Variants in USP34 observed in about 807,000 individuals in gnomAD.
The protein encoded by USP34 is ubiquitin carboxyl-terminal hydrolase 34.
Under a neutral mutation model 460.3 loss-of-function variants are expected in USP34, and 70 were observed. The ratio of observed to expected loss-of-function variants is 0.15; its 90% CI spans 0.13 to 0.19. USP34 has a LOEUF of 0.19. USP34 is among the 10% of genes least tolerant of loss of function. The pLI is 1.00. For synonymous variants in USP34, 1,647 were observed against 1,405.3 expected (o/e 1.17, Z -3.85); for missense variants, 3,985 against 4,236.2 (o/e 0.94, Z 1.65).
At chr2:61,273,964 T>C (rs554944951) in intron 41 of USP34, among the ~76,000 whole-genome samples, 1 of 151,724 alleles carries the variant, frequency 6.6e-6, no homozygotes, top group Non-Finnish European at 1.5e-5. Flanking sequence ...AATTTCCTGA[T>C]AGAAAAACTT....
intron 69 of USP34, 127 bp downstream of exon 69, chr2:61,211,645 C>T (rs1687275632): frequency 2.8e-6 from 3 of 1,055,914 alleles, no homozygotes; most frequent in Non-Finnish European, 3.9e-6. Context: ...CATGAACCTT[C>T]AAAATGTTCC....
chr2:61,287,417 C>G (rs75791668), intron 34 of USP34, among the ~76,000 whole-genome samples: 60 of 152,298 alleles, frequency 3.9e-4, no homozygotes, highest in African/African-American at 1.4e-3. Context: ...CAAAAAGATT[C>G]TATTTTTATT....
chr2:61,442,784 T>G (rs1285219064), intron 1 of USP34, among the ~76,000 whole-genome samples: 2 of 152,096 alleles, frequency 1.3e-5, no homozygotes, highest in African/African-American at 4.8e-5. Context: ...AGGAAAACAC[T>G]GTATCAGAGA....
At position 61,295,085 on chromosome 2, in the gene USP34, T is replaced by C. The variant is rs186542700; in HGVS notation, c.4378-53A>G. 8.5e-5 allele frequency: 136 copies of C among 1,602,038 alleles called. No homozygotes were observed. In the African/African-American group the frequency reaches 1.6e-3, roughly 19 times the overall value. ...AGAATGGCGGAAGAAAGAATTATTA[T>C]AGAATGGAAAAGACAATACATTATA... On this transcript the variant is annotated intron_variant, in intron 31 of 79. Transcript: ENST00000398571.
intron 1 of USP34, among the ~76,000 whole-genome samples, chr2:61,460,043 C>A (rs1386865017): frequency 1.3e-5 from 2 of 152,178 alleles, no homozygotes; most frequent in Non-Finnish European, 2.9e-5. Flanking sequence ...GCCTGAGCGA[C>A]AGAGCAAGAC....
chr2:61,199,703 C>G, intron 75 of USP34, among the ~76,000 whole-genome samples: 1 of 152,236 alleles, frequency 6.6e-6, no homozygotes, highest in East Asian at 1.9e-4. Context: ...TCTTTATCAT[C>G]TACCAAGTCC....
chr2:61,280,154 C>T lies in USP34; in HGVS notation c.5256+90G>A, dbSNP rs556989146. 2.2e-5 allele frequency: 16 copies of T among 731,652 alleles called. No homozygotes were observed. The African/African-American group carries it at 2.6e-4, about 12-fold the overall frequency. The allele number at this position is 731,652 out of a possible 1,614,324, so 45.3% of individuals were successfully genotyped here. A position where few individuals can be genotyped will look rare whatever the true frequency, so the allele number is the denominator to read the frequency against. On this transcript the variant is annotated intron_variant, in intron 39 of 79. Coordinates refer to ENST00000398571, the MANE Select transcript of USP34 (RefSeq NM_014709.4). The stretch of plus-strand genomic sequence containing the variant: ...CCAAGTTATAGATTAATGAAGTACA[C>T]TTAATAACCAATAAAGTCATGAACA...
intron 20 of USP34, 138 bp from the exon 21 acceptor site, chr2:61,325,595 C>T (rs957291286): frequency 2.1e-6 from 1 of 471,184 alleles, no homozygotes; most frequent in Non-Finnish European, 3.5e-6. Flanking sequence ...TCTTTGGTTA[C>T]ACGAAAGAAG....
At chr2:61,293,351 T>G (rs904489579) in intron 33 of USP34, 113 bp downstream of exon 33, 28 of 675,774 alleles carry the variant, frequency 4.1e-5, no homozygotes, top group Non-Finnish European at 6.3e-5. Context: ...TCTGCTATAT[T>G]CCATACTTTA....
At chr2:61,241,408 T>G in intron 53 of USP34, 152 bp downstream of exon 53, 1 of 519,618 alleles carries the variant, frequency 1.9e-6, no homozygotes, top group East Asian at 3.4e-5. Context: ...ACGGGTCTTA[T>G]ATCAGTATTA....
chr2:61,193,964 G>T, intron 75 of USP34: 1 of 287,542 alleles, frequency 3.5e-6, no homozygotes, highest in Non-Finnish European at 5.2e-6. Flanking sequence ...ACACTGAAAT[G>T]GGAATCTCAT....
At chr2:61,328,075 G>A (rs1340276663) in intron 20 of USP34, among the ~76,000 whole-genome samples, 1 of 152,064 alleles carries the variant, frequency 6.6e-6, no homozygotes, top group Non-Finnish European at 1.5e-5. Flanking sequence ...GGCGGAGGCG[G>A]GTGGATCGCC....
At chr2:61,430,791 A>G (rs1176944224) in intron 1 of USP34, among the ~76,000 whole-genome samples, 1 of 152,162 alleles carries the variant, frequency 6.6e-6, no homozygotes. Flanking sequence ...GAGGCAAGAG[A>G]TCCCTTGAGG....
Position 61,204,360 on chromosome 2 carries a change from G to A in USP34, c.9280C>T (p.Pro3094Ser). Residue 3094 changes from proline to serine, a missense_variant, in exon 74 of 80, where the codon CCT (proline) becomes TCT (serine). Around this residue, in one of 14 missense-constraint regions of USP34, gnomAD observed 275 missense variants for 292.7 expected, o/e 0.94. Transcript: ENST00000398571. ...ATTAGCTTGATATTTTCTCGACAAG[G>A]GAAATAAGGTCCAAGAGACACTAAG... ...NIPMSLGPYF[P>S]CRENIKLIGG... The A allele has an allele frequency of 1.9e-6, 3 of 1,614,084 alleles. No homozygotes were observed. Among genetic ancestry groups the A allele is most frequent in the Non-Finnish European group, 2.5e-6 (3 of 1,180,022 alleles).
At chr2:61,264,592 G>A (rs1473851729) in intron 43 of USP34, among the ~76,000 whole-genome samples, 2 of 152,120 alleles carry the variant, frequency 1.3e-5, no homozygotes, top group African/African-American at 4.8e-5. Flanking sequence ...AGTGAGCTGT[G>A]CTCACACCAC....
At chr2:61,188,822 T>G in intron 79 of USP34, 88 bp downstream of exon 79, 1 of 1,575,882 alleles carries the variant, frequency 6.3e-7, no homozygotes, top group South Asian at 1.2e-5. Flanking sequence ...GAGGTTCAGC[T>G]GAACACACAA....
chr2:61,225,840 A>C (rs1687709780), intron 62 of USP34, among the ~76,000 whole-genome samples: 2 of 152,256 alleles, frequency 1.3e-5, no homozygotes, highest in Non-Finnish European at 2.9e-5. Flanking sequence ...TGCCAATAGT[A>C]TTAAAACTCA....
rs762156246 is a variant in USP34, at chr2:61,339,493, T to C, written c.2617-15A>G. On this transcript the variant is annotated splice_polypyrimidine_tract_variant and intron_variant, in intron 17 of 79. Transcript: ENST00000398571. ...GAAAGATTAACCTATAAAAAATGTA[T>C]ATAAAATTACTATTTATCCTAATTG... 5.8e-6 allele frequency: 9 copies of C among 1,561,474 alleles called. No homozygotes were observed. The highest frequency in any genetic ancestry group is 7.8e-6 in the Non-Finnish European group (9 of 1,156,542).
At chr2:61,302,934 T>C (rs1437593690) in intron 27 of USP34, among the ~76,000 whole-genome samples, 1 of 152,236 alleles carries the variant, frequency 6.6e-6, no homozygotes, top group Non-Finnish European at 1.5e-5. Context: ...GAATTACTGA[T>C]AGAACATTTT....
Sources: gnomAD v4.1 joint callset for allele counts (sites outside exome capture counted in the v4.1 genomes callset) on GRCh38, gnomAD v4.1.1 for gene constraint, gnomAD v4.1.1 regional missense constraint, MANE v1.5 for transcripts, NCBI Gene and HGNC (gene_info 2026-07-23, HGNC 2026-07-21) for gene names.